Variants in PRDM11 observed in about 807,000 individuals in gnomAD.
PRDM11 encodes the protein PR/SET domain 11.
PRDM11 carries 20 observed loss-of-function variants against 97.8 expected under a neutral mutation model. The ratio of observed to expected loss-of-function variants is 0.20; its 90% CI spans 0.14 to 0.30. PRDM11 has a LOEUF of 0.30. Ranked by LOEUF, PRDM11 falls within the 10% of genes least tolerant of loss-of-function variation. The pLI, the probability that PRDM11 is intolerant of heterozygous loss-of-function variation, is 1.00. For synonymous variants in PRDM11, 599 were observed against 637.7 expected (o/e 0.94, Z 0.91); for missense variants, 1,139 against 1,555.2 (o/e 0.73, Z 4.50).
rs1036891777 is a variant in PRDM11 at position 45,183,138 on chromosome 11, G to A, written c.486+15G>A. On this transcript the variant is annotated intron_variant, in intron 4 of 7. Transcript: ENST00000683152. ...TCTCCTGGCTGGTGAGTGTGCCCTGGGCTATTCATGGGAGAGGTTGCCAAG... is the reference window on the plus strand; with the variant it reads ...TCTCCTGGCTGGTGAGTGTGCCCTGAGCTATTCATGGGAGAGGTTGCCAAG... 6.2e-7 allele frequency: 1 copy of A among 1,603,284 alleles called. No homozygotes were observed. Among genetic ancestry groups the A allele is most frequent in the Admixed American group, 1.7e-5 (1 of 59,074 alleles).
chr11:45,204,859 A>G (rs1730498796), intron 5 of PRDM11, 81 bp downstream of exon 5: 2 of 1,436,446 alleles, frequency 1.4e-6, no homozygotes, highest in Admixed American at 3.4e-5. Context: ...GACCTGTGGG[A>G]GCTCCAGTGG....
upstream of PRDM11, among the ~76,000 whole-genome samples, chr11:45,095,192 G>A (rs938075314): frequency 3.3e-5 from 5 of 152,164 alleles, no homozygotes; most frequent in African/African-American, 4.8e-5. Context: ...AGGTGACAGC[G>A]ATGTCTCCCT....
chr11:45,137,557 C>G (rs1236013714), intron 1 of PRDM11, among the ~76,000 whole-genome samples: 1 of 152,162 alleles, frequency 6.6e-6, no homozygotes. Context: ...TCCAGACCAA[C>G]CTGGGCAACA....
rs1183339151 is a variant in PRDM11 at position 45,194,590 on chromosome 11, C to CTTTTTTTTTTTTTTTTTTTTTTTTTTT, written c.487-10120_487-10119insTTTTTTTTTTTTTTTTTTTTTTTTTTT. Among the ~76,000 whole-genome samples the CTTTTTTTTTTTTTTTTTTTTTTTTTTT allele has an allele frequency of 6.7e-5, 6 of 89,964 alleles. 3 individuals carry two copies. The highest frequency in any genetic ancestry group is 4.5e-5 in the Non-Finnish European group (2 of 44,714). The allele number at this position is 89,964 out of a possible 152,430, so 59.0% of individuals were successfully genotyped here. ...AGTACTGTGGGATAGTTATTATCTT[C>CTTTTTTTTTTTTTTTTTTTTTTTTTTT]TGTTTTTTTTTTTTTTTTTTTTTTT... On this transcript the variant is annotated intron_variant, in intron 4 of 7. Coordinates refer to ENST00000683152, the MANE Select transcript of PRDM11 (RefSeq NM_001384648.1).
intron 1 of PRDM11, among the ~76,000 whole-genome samples, chr11:45,136,811 T>A (rs1852857585): frequency 6.6e-6 from 1 of 152,010 alleles, no homozygotes; most frequent in Non-Finnish European, 1.5e-5. Context: ...TAAGTTGTTT[T>A]CACCAGGCAC....
At chr11:45,122,492 C>T (rs1317847258) in intron 1 of PRDM11, among the ~76,000 whole-genome samples, 2 of 139,258 alleles carry the variant, frequency 1.4e-5, no homozygotes, top group South Asian at 2.7e-4. Flanking sequence ...CCTCCCCCCT[C>T]CCTCCACCCC....
chr11:45,115,448 C>T (rs915611555), intron 1 of PRDM11, among the ~76,000 whole-genome samples: 2 of 151,884 alleles, frequency 1.3e-5, no homozygotes, highest in Non-Finnish European at 2.9e-5. Flanking sequence ...TAGGCCTATA[C>T]TCAACTATGT....
chr11:45,180,034 C>T (rs759943364), intron 1 of PRDM11, among the ~76,000 whole-genome samples: 6 of 152,334 alleles, frequency 3.9e-5, no homozygotes, highest in Non-Finnish European at 5.9e-5. Flanking sequence ...AGCGATTGTT[C>T]GGTAGAGGAC....
intron 1 of PRDM11, among the ~76,000 whole-genome samples, chr11:45,136,227 A>G (rs1852839887): frequency 6.6e-6 from 1 of 152,218 alleles, no homozygotes; most frequent in Non-Finnish European, 1.5e-5. Flanking sequence ...TTGGATTTTG[A>G]AGGGGAAGAA....
At chr11:45,105,375 A>G (rs1565222888) in intron 1 of PRDM11, among the ~76,000 whole-genome samples, 1 of 152,216 alleles carries the variant, frequency 6.6e-6, no homozygotes. Context: ...AGGTGCTGCA[A>G]AAGCCTTGAG....
chr11:45,200,193 CCTGT>C (rs1195146301), intron 4 of PRDM11, among the ~76,000 whole-genome samples: 1 of 152,156 alleles, frequency 6.6e-6, no homozygotes. Context: ...GCCAAAAACA[CCTGT>C]CAGAAAAGCT....
upstream of PRDM11, among the ~76,000 whole-genome samples, chr11:45,142,886 C>T (rs989947467): frequency 1.3e-5 from 2 of 152,196 alleles, no homozygotes; most frequent in African/African-American, 4.8e-5. Flanking sequence ...AAGCATTTAT[C>T]TCTTACCATT....
At chr11:45,097,854 G>T (rs947720846) in intron 1 of PRDM11, among the ~76,000 whole-genome samples, 18 of 152,282 alleles carry the variant, frequency 1.2e-4, no homozygotes, top group Non-Finnish European at 2.5e-4. Flanking sequence ...GCAGGAGGAA[G>T]TGGGGAGTGG....
Position 45,182,947 on chromosome 11 carries a change from G to A in PRDM11, c.310G>A (p.Gly104Ser). 6.2e-7 allele frequency: 1 copy of A among 1,613,928 alleles called. No individual in the cohort carries two copies. Among genetic ancestry groups the A allele is most frequent in the African/African-American group, 1.3e-5 (1 of 75,052 alleles). ...VFVSDTPVPV[G>S]IPDRAALTIP... ...TGTGTCTGACACACCGGTGCCCGTG[G>A]GCATCCCAGACCGGGCGGCGCTCAC... Residue 104 changes from glycine to serine, a missense_variant, in exon 4 of 8, where the codon GGC becomes AGC. By Grantham distance (56) the Gly-to-Ser change is moderately conservative. This residue lies in a region of PRDM11 where 429 missense variants were observed against 510.3 expected (regional missense o/e 0.84). Transcript: ENST00000683152.
chr11:45,177,147 C>T (rs79331577), intron 1 of PRDM11, among the ~76,000 whole-genome samples: 16,194 of 152,258 alleles, frequency 0.11, 1,265 homozygotes, highest in Admixed American at 0.25. Context: ...TCCCTGGCTA[C>T]ACTGGCTCCT....
intron 4 of PRDM11, among the ~76,000 whole-genome samples, chr11:45,200,498 GTCA>G (rs1853289166): frequency 6.6e-6 from 1 of 152,240 alleles, no homozygotes; most frequent in East Asian, 1.9e-4. Flanking sequence ...CTGAGGCATG[GTCA>G]GCAAAGATCT....
chr11:45,115,546 G>T (rs906792625), intron 1 of PRDM11, among the ~76,000 whole-genome samples: 1 of 152,094 alleles, frequency 6.6e-6, no homozygotes, highest in Admixed American at 6.6e-5. Context: ...AGAACCAATT[G>T]TGTTCTCTAT....
At chr11:45,106,196 G>A (rs1026856102) in intron 1 of PRDM11, among the ~76,000 whole-genome samples, 3 of 152,172 alleles carry the variant, frequency 2.0e-5, no homozygotes, top group Non-Finnish European at 4.4e-5. Flanking sequence ...GCCCAGGCTG[G>A]CCATGTCTGT....
chr11:45,134,701 GAAAAAA>G (rs1191008824), intron 1 of PRDM11, among the ~76,000 whole-genome samples: 1,200 of 44,196 alleles, frequency 0.027, 4 homozygotes, highest in African/African-American at 0.12. Context: ...CCTGTCTCAC[GAAAAAA>G]AAAAAAAAAA....
Sources: allele counts gnomAD v4.1 joint callset (sites outside exome capture counted in the v4.1 genomes callset), GRCh38; gene constraint gnomAD v4.1.1; regional missense constraint gnomAD v4.1.1; transcripts MANE v1.5; gene names NCBI Gene and HGNC (gene_info 2026-07-23, HGNC 2026-07-21).